The following GANC variants were observed in gnomAD, a reference collection of about 807,000 sequenced individuals.
GANC encodes the protein glucosidase alpha, neutral C.
Under a neutral mutation model 124.2 loss-of-function variants are expected in GANC, and 117 were observed. The observed-to-expected ratio is 0.94, with a 90% CI of 0.81 to 1.10. The LOEUF is 1.10. GANC is among the 50% of genes least tolerant of loss of function. The pLI, the probability that GANC is intolerant of heterozygous loss-of-function variation, is 0.00. For synonymous variants in GANC, 377 were observed against 376.8 expected (o/e 1.00, Z -0.01); for missense variants, 1,140 against 1,095.0 (o/e 1.04, Z -0.58).
At chr15:42,303,150 G>T (rs766001590) in intron 6 of GANC, among the ~76,000 whole-genome samples, 1 of 152,178 alleles carries the variant, frequency 6.6e-6, no homozygotes, top group African/African-American at 2.4e-5. Flanking sequence ...GACTAACACC[G>T]GATCTCTCTG....
Position 42,302,742 on chromosome 15 carries a change from A to C in GANC, c.559-3804A>C, listed in dbSNP as rs954678761. 5.9e-5 allele frequency among the ~76,000 whole-genome samples: 9 copies of C among 152,276 alleles called. 2 individuals are homozygous for C. The South Asian group carries it at 1.5e-3, about 25-fold the overall frequency. On this transcript the variant is annotated intron_variant, in intron 6 of 23. Transcript: ENST00000318010. The stretch of plus-strand genomic sequence containing the variant: ...TCAGTAGCCAAACTGATCAAGTGGA[A>C]GAAAGGATATCAGAGATTGAAGATC...
intron 6 of GANC, among the ~76,000 whole-genome samples, chr15:42,304,519 T>A (rs2051975381): frequency 6.6e-6 from 1 of 152,204 alleles, no homozygotes; most frequent in South Asian, 2.1e-4. Context: ...GAATCAATAT[T>A]GTGAAAATGG....
intron 15 of GANC, among the ~76,000 whole-genome samples, chr15:42,335,630 A>G (rs1373015853): frequency 6.6e-6 from 1 of 152,224 alleles, no homozygotes; most frequent in Non-Finnish European, 1.5e-5. Flanking sequence ...GCAGTCAGGC[A>G]AGAGGAAGAA....
At chr15:42,296,621 G>C (rs978434713) in intron 5 of GANC, among the ~76,000 whole-genome samples, 18 of 152,132 alleles carry the variant, frequency 1.2e-4, no homozygotes, top group African/African-American at 4.3e-4. Context: ...TCGAGCTCCT[G>C]ACCTCAGGTA....
intron 2 of GANC, among the ~76,000 whole-genome samples, chr15:42,276,681 T>C (rs2051674754): frequency 6.6e-6 from 1 of 152,156 alleles, no homozygotes; most frequent in Non-Finnish European, 1.5e-5. Context: ...CACTTTTACA[T>C]GGTTCAAAAA....
At chr15:42,297,702 A>T (rs193119640) in intron 6 of GANC, 46 bp downstream of exon 6, 1 of 1,357,524 alleles carries the variant, frequency 7.4e-7, no homozygotes, top group East Asian at 2.4e-5. Flanking sequence ...CACCATCATC[A>T]TCATGATAGG....
At position 42,292,721 on chromosome 15, in the gene GANC, G is replaced by A; in HGVS notation, c.330-14G>A. On this transcript the variant is annotated splice_polypyrimidine_tract_variant and intron_variant, in intron 4 of 23. Coordinates refer to ENST00000318010, the MANE Select transcript of GANC (RefSeq NM_198141.3). ...TATAGCAGCTTGTTTCTCTCTTCCT[G>A]TTTTGTTTTCTAGGCTGATTTCATG... 6.2e-7 allele frequency: 1 copy of A among 1,609,778 alleles called. No homozygotes were observed.
At position 42,327,488 on chromosome 15, in the gene GANC, A is replaced by G. The variant is rs751684117; in HGVS notation, c.1500+46A>G. 2.2e-6 allele frequency: 3 copies of G among 1,355,242 alleles called. No homozygotes were observed. In the African/African-American group the frequency reaches 4.3e-5, roughly 20 times the overall value. The allele number at this position is 1,355,242 out of a possible 1,614,324, so 84.0% of individuals were successfully genotyped here. On this transcript the variant is annotated intron_variant, in intron 13 of 23. Transcript: ENST00000318010. ...TCTTTTCTAGTTACCTGAAAGAGTG[A>G]AAGAAGTGGAAAAAGTGATTGAATA... is the stretch of plus-strand genomic sequence containing the variant.
At chr15:42,328,209 A>AT (rs2052212332) in intron 13 of GANC, among the ~76,000 whole-genome samples, 1 of 152,236 alleles carries the variant, frequency 6.6e-6, no homozygotes, top group African/African-American at 2.4e-5. Flanking sequence ...GGCATCAAGT[A>AT]TTAGGGCACT....
rs1032312189 is a variant in GANC at position 42,339,714 on chromosome 15, T to G, written c.1889T>G (p.Val630Gly). The G allele has an allele frequency of 1.2e-6, 2 of 1,614,054 alleles. No homozygotes were observed. Among genetic ancestry groups the G allele is most frequent in the Non-Finnish European group, 1.7e-6 (2 of 1,180,024 alleles). ...FIGNPETELL[V>G]RWYQAGAYQP... ...GGGAATCCAGAGACAGAGCTGCTAG[T>G]GCGTTGGTACCAGGCTGGAGCCTAC... Residue 630 changes from valine (V) to glycine (G), a missense_variant, in exon 17 of 24, where the codon GTG becomes GGG. Val to Gly is a moderately radical substitution (Grantham distance 109, BLOSUM62 -3). Coordinates refer to ENST00000318010, the MANE Select transcript of GANC (RefSeq NM_198141.3).
chr15:42,330,111 A>G (rs1430188893), intron 14 of GANC, among the ~76,000 whole-genome samples: 1 of 152,166 alleles, frequency 6.6e-6, no homozygotes, highest in East Asian at 1.9e-4. Context: ...GCTAAATATA[A>G]GCATAGTTTT....
chr15:42,301,734 C>T (rs1420228036), intron 6 of GANC, among the ~76,000 whole-genome samples: 2 of 152,172 alleles, frequency 1.3e-5, no homozygotes, highest in African/African-American at 2.4e-5. Context: ...AACAGAGGCA[C>T]CTGGAATTTT....
intron 10 of GANC, 29 bp downstream of exon 10, chr15:42,310,875 T>G (rs763750972): frequency 1.9e-6 from 3 of 1,600,972 alleles, no homozygotes; most frequent in Non-Finnish European, 2.6e-6. Flanking sequence ...GCCAGTTTCT[T>G]GTTCTGTTAC....
Position 42,339,987 on chromosome 15 carries a change from A to G in GANC, c.2087+75A>G, listed in dbSNP as rs573528436. 79 of 1,491,074 alleles carry G rather than the reference A, an allele frequency of 5.3e-5. No individual in the cohort carries two copies. In the East Asian group the frequency reaches 9.1e-4, roughly 17 times the overall value. 92.4% of individuals were successfully genotyped at this position (1,491,074 alleles called of 1,614,324 possible). ...AAGATCTCAGTGATTAAAGAATGCA[A>G]TAATTACAGTGATTTCAAGAGAAAG... On this transcript the variant is annotated intron_variant, in intron 17 of 23. Coordinates refer to ENST00000318010, the MANE Select transcript of GANC (RefSeq NM_198141.3).
intron 15 of GANC, among the ~76,000 whole-genome samples, chr15:42,337,420 A>G (rs1200641808): frequency 6.6e-6 from 1 of 152,082 alleles, no homozygotes; most frequent in African/African-American, 2.4e-5. Context: ...ACATGGATGG[A>G]GTTGGAGGCC....
chr15:42,289,913 A>G (rs2051825278), intron 4 of GANC, among the ~76,000 whole-genome samples: 3 of 152,328 alleles, frequency 2.0e-5, no homozygotes, highest in Non-Finnish European at 4.4e-5. Flanking sequence ...TAGGACACAG[A>G]TGCAGGCACA....
At chr15:42,284,971 C>T (rs1212941284) in intron 3 of GANC, among the ~76,000 whole-genome samples, 1 of 152,160 alleles carries the variant, frequency 6.6e-6, no homozygotes, top group Non-Finnish European at 1.5e-5. Context: ...TCAATTTAAG[C>T]AGTCCAGCAT....
Position 42,276,342 on chromosome 15 carries a change from AT to A in GANC, c.30-3del. ...AATAAATTTCTCAAAATGTCTTTTTATTTAGTCTTGAAGATGAAGCTGTAGA... is the reference window on the plus strand; with the variant it reads ...AATAAATTTCTCAAAATGTCTTTTTATTAGTCTTGAAGATGAAGCTGTAGA... On this transcript the variant is annotated splice_polypyrimidine_tract_variant and splice_region_variant and intron_variant, in intron 1 of 23. Coordinates refer to ENST00000318010, the MANE Select transcript of GANC (RefSeq NM_198141.3). The A allele has an allele frequency of 1.5e-6, 2 of 1,327,504 alleles. No homozygotes were observed. Among genetic ancestry groups the A allele is most frequent in the Non-Finnish European group, 2.2e-6 (2 of 923,482 alleles). The allele number at this position is 1,327,504 out of a possible 1,614,324, so 82.2% of individuals were successfully genotyped here.
rs377052051 is a variant in GANC, at chr15:42,336,161, G to C, written c.1742-2228G>C. The stretch of plus-strand genomic sequence containing the variant: ...CCAAAAAAAAAAAAGAAAAAAAAAA[G>C]AGCCTGAATAACCAAGGCAGTCCTA... On this transcript the variant is annotated intron_variant, in intron 15 of 23. Coordinates refer to ENST00000318010, the MANE Select transcript of GANC (RefSeq NM_198141.3). Among the ~76,000 whole-genome samples the C allele has an allele frequency of 4.7e-3, 509 of 107,844 alleles. 10 individuals carry two copies. The highest frequency in any genetic ancestry group is 0.042 in the Admixed American group (401 of 9,564). The allele number at this position is 107,844 out of a possible 152,430, so 70.7% of individuals were successfully genotyped here. A position where few individuals can be genotyped will look rare whatever the true frequency, so the allele number is the denominator to read the frequency against.
Sources: gnomAD v4.1 joint callset for allele counts (sites outside exome capture counted in the v4.1 genomes callset) on GRCh38, gnomAD v4.1.1 for gene constraint, MANE v1.5 for transcripts, NCBI Gene and HGNC (gene_info 2026-07-23, HGNC 2026-07-21) for gene names.